NEK7: variants seen among roughly 807,000 people sequenced by gnomAD.
NEK7 encodes the protein serine/threonine-protein kinase Nek7.
In NEK7, 18 loss-of-function variants were observed where a neutral mutation model predicts 44.6. That is an observed-to-expected ratio of 0.40 (90% CI 0.28 to 0.60). The LOEUF is 0.60. Among genes scored for constraint, NEK7 ranks in the 20% least tolerant of loss-of-function variants. NEK7 has a pLI of 0.38. For missense variants in NEK7, 256 were observed against 366.5 expected, an observed-to-expected ratio of 0.70 and a Z score of 2.46; for synonymous variants, 130 against 121.1, an observed-to-expected ratio of 1.07 and a Z score of -0.48.
intron 2 of NEK7, among the ~76,000 whole-genome samples, chr1:198,238,475 C>T (rs544084768): frequency 1.1e-3 from 125 of 114,484 alleles, no homozygotes; most frequent in African/African-American, 3.7e-3. Context: ...GAAAATTTAA[C>T]CCCTGACCCA....
At chr1:198,311,791 C>G (rs965079223) in intron 9 of NEK7, among the ~76,000 whole-genome samples, 1 of 152,150 alleles carries the variant, frequency 6.6e-6, no homozygotes, top group Non-Finnish European at 1.5e-5. Flanking sequence ...ATGAAGCCCA[C>G]TTGATCATGG....
At chr1:198,170,657 A>T (rs1176360603) in intron 1 of NEK7, among the ~76,000 whole-genome samples, 1 of 152,190 alleles carries the variant, frequency 6.6e-6, no homozygotes, top group African/African-American at 2.4e-5. Flanking sequence ...AACTGGACGA[A>T]TACTTGAGAT....
At chr1:198,304,733 G>A (rs1265841766) in intron 9 of NEK7, among the ~76,000 whole-genome samples, 2 of 151,982 alleles carry the variant, frequency 1.3e-5, no homozygotes, top group Non-Finnish European at 2.9e-5. Context: ...TATTTGCTTT[G>A]ATATCTCTTT....
chr1:198,242,300 A>G (rs974412427), intron 2 of NEK7, among the ~76,000 whole-genome samples: 12 of 152,056 alleles, frequency 7.9e-5, no homozygotes, highest in Admixed American at 2.0e-4. Flanking sequence ...AGAACACAGT[A>G]TGGTGCTACC....
chr1:198,318,269 T>C (rs1655434274), intron 9 of NEK7, among the ~76,000 whole-genome samples: 1 of 152,136 alleles, frequency 6.6e-6, no homozygotes, highest in Non-Finnish European at 1.5e-5. Flanking sequence ...CAAAGTGCCT[T>C]CAACAAGACT....
chr1:198,179,209 A>G (rs573969243), intron 1 of NEK7, among the ~76,000 whole-genome samples: 1 of 152,176 alleles, frequency 6.6e-6, no homozygotes, highest in South Asian at 2.1e-4. Flanking sequence ...TAGGCATTCT[A>G]TATACTATAG....
At chr1:198,189,313 A>G (rs971972184) in intron 1 of NEK7, among the ~76,000 whole-genome samples, 1 of 152,172 alleles carries the variant, frequency 6.6e-6, no homozygotes, top group African/African-American at 2.4e-5. Context: ...ACATCTTACA[A>G]TTAGATAAGT....
At chr1:198,202,905 T>C (rs1459018219) in intron 1 of NEK7, among the ~76,000 whole-genome samples, 2 of 152,052 alleles carry the variant, frequency 1.3e-5, no homozygotes, top group Non-Finnish European at 2.9e-5. Context: ...CCCAAATGAC[T>C]CTAGGGTCAG....
At chr1:198,169,098 G>A (rs1453917040) in intron 1 of NEK7, among the ~76,000 whole-genome samples, 1 of 152,142 alleles carries the variant, frequency 6.6e-6, no homozygotes, top group Non-Finnish European at 1.5e-5. Flanking sequence ...CAGTACATAT[G>A]GCTTAGCTCT....
At chr1:198,295,180 C>T (rs1472482495) in intron 8 of NEK7, among the ~76,000 whole-genome samples, 2 of 151,804 alleles carry the variant, frequency 1.3e-5, no homozygotes, top group African/African-American at 2.4e-5. Flanking sequence ...TTTTGCTACA[C>T]GGACCTTTAC....
At chr1:198,213,553 G>A (rs548636304) in intron 1 of NEK7, among the ~76,000 whole-genome samples, 171 of 152,260 alleles carry the variant, frequency 1.1e-3, no homozygotes, top group Admixed American at 3.9e-3. Context: ...CACTCTCCTC[G>A]TTCAGGCTTG....
chr1:198,217,690 T>A (rs12403376), intron 1 of NEK7, among the ~76,000 whole-genome samples: 51,041 of 151,644 alleles, frequency 0.34, 9,818 homozygotes, highest in East Asian at 0.8. Flanking sequence ...AGAAAACCCT[T>A]AAGACTCCTC....
chr1:198,308,303 G>T (rs185980780), intron 9 of NEK7, among the ~76,000 whole-genome samples: 256 of 152,184 alleles, frequency 1.7e-3, no homozygotes, highest in Middle Eastern at 6.8e-3. Context: ...AGTCACAAAA[G>T]TTATTTAATG....
chr1:198,178,581 T>G (rs1366944076), intron 1 of NEK7, among the ~76,000 whole-genome samples: 2 of 152,080 alleles, frequency 1.3e-5, no homozygotes, highest in East Asian at 3.8e-4. Flanking sequence ...TGCACTTTAG[T>G]GTAATTGGAT....
At chr1:198,233,339 C>T (rs1666455351) in intron 2 of NEK7, among the ~76,000 whole-genome samples, 1 of 152,108 alleles carries the variant, frequency 6.6e-6, no homozygotes, top group Admixed American at 6.6e-5. Flanking sequence ...ATTTAGCATC[C>T]TGCATTCAGT....
intron 1 of NEK7, among the ~76,000 whole-genome samples, chr1:198,211,482 T>A (rs961062886): frequency 6.6e-6 from 1 of 152,248 alleles, no homozygotes; most frequent in South Asian, 2.1e-4. Context: ...TGATTTGTGA[T>A]GTGTGTGTAC....
intron 1 of NEK7, among the ~76,000 whole-genome samples, chr1:198,204,578 G>A (rs1265958295): frequency 6.6e-6 from 1 of 152,000 alleles, no homozygotes; most frequent in Admixed American, 6.5e-5. Flanking sequence ...AATTAGCCGG[G>A]CAAGGTGGTG....
chr1:198,203,138 G>A (rs1355580894), intron 1 of NEK7, among the ~76,000 whole-genome samples: 1 of 152,120 alleles, frequency 6.6e-6, no homozygotes, highest in African/African-American at 2.4e-5. Flanking sequence ...TGATTGGGAT[G>A]TATTTATATA....
intron 2 of NEK7, among the ~76,000 whole-genome samples, chr1:198,241,359 C>A (rs1666680428): frequency 6.6e-6 from 1 of 152,134 alleles, no homozygotes; most frequent in Non-Finnish European, 1.5e-5. Context: ...TTAATCATGT[C>A]TTCTTTTCCT....
Sources: allele counts gnomAD v4.1 joint callset (sites outside exome capture counted in the v4.1 genomes callset), GRCh38; gene constraint gnomAD v4.1.1; transcripts MANE v1.5; gene names NCBI Gene and HGNC (gene_info 2026-07-23, HGNC 2026-07-21).